The following SORCS3 variants were observed in gnomAD, a reference collection of about 807,000 sequenced individuals.
SORCS3 encodes sortilin related VPS10 domain containing receptor 3.
Under a neutral mutation model 146.3 loss-of-function variants are expected in SORCS3, and 57 were observed. The ratio of observed to expected loss-of-function variants is 0.39; its 90% CI spans 0.31 to 0.49. The LOEUF (loss-of-function observed/expected upper bound fraction) is 0.49, where lower values mean the gene tolerates loss of function less well. Among genes scored for constraint, SORCS3 ranks in the 20% least tolerant of loss-of-function variants. The probability of loss-of-function intolerance (pLI) is 0.92; values close to 1 mark genes in which losing one functional copy is unlikely to be tolerated. For missense variants in SORCS3, 1,341 were observed against 1,575.5 expected (o/e 0.85, Z 2.52); for synonymous variants, 653 against 618.5 (o/e 1.06, Z -0.83).
chr10:105,220,016 G>T lies in SORCS3; in HGVS notation c.2734+2894G>T, dbSNP rs147332694. ...GGAGACTGCTCTTGGCCTTACCCTG[G>T]GCCATTAGCTAACAAAAGTAGTTGT... On this transcript the variant is annotated intron_variant, in intron 19 of 26. Coordinates refer to ENST00000369701, the MANE Select transcript of SORCS3 (RefSeq NM_014978.3). 5.6e-3 allele frequency among the ~76,000 whole-genome samples: 846 copies of T among 152,196 alleles called. 13 individuals are homozygous for T. Among genetic ancestry groups the T allele is most frequent in the African/African-American group, 0.019 (791 of 41,524 alleles).
chr10:104,900,173 C>T (rs2018836280), intron 2 of SORCS3, among the ~76,000 whole-genome samples: 1 of 152,120 alleles, frequency 6.6e-6, no homozygotes, highest in African/African-American at 2.4e-5. Flanking sequence ...GGATGTTTTC[C>T]TTTTTTCTCA....
At chr10:104,746,915 A>G (rs1164894642) in intron 1 of SORCS3, among the ~76,000 whole-genome samples, 1 of 152,204 alleles carries the variant, frequency 6.6e-6, no homozygotes, top group Non-Finnish European at 1.5e-5. Flanking sequence ...AATTTATGTG[A>G]TCTTCATTTA....
chr10:105,243,971 C>T (rs1266633286), intron 20 of SORCS3, among the ~76,000 whole-genome samples: 1 of 152,128 alleles, frequency 6.6e-6, no homozygotes, highest in African/African-American at 2.4e-5. Context: ...GACTGTCCTG[C>T]CCCTCTTAAA....
intron 20 of SORCS3, among the ~76,000 whole-genome samples, chr10:105,242,264 A>T (rs2056828210): frequency 1.4e-5 from 2 of 140,046 alleles, no homozygotes; most frequent in African/African-American, 2.6e-5. Context: ...ACATATATTT[A>T]TATATATATT....
At chr10:105,187,548 T>C (rs142404172) in intron 14 of SORCS3, among the ~76,000 whole-genome samples, 83 of 152,314 alleles carry the variant, frequency 5.4e-4, no homozygotes, top group African/African-American at 1.5e-3. Flanking sequence ...ACAACTATGC[T>C]CTTTCTACTT....
intron 3 of SORCS3, among the ~76,000 whole-genome samples, chr10:104,971,763 G>A (rs975698918): frequency 1.7e-4 from 26 of 152,144 alleles, no homozygotes; most frequent in African/African-American, 5.3e-4. Flanking sequence ...GGAGGGTTAA[G>A]GAGTGGTCAC....
intron 2 of SORCS3, among the ~76,000 whole-genome samples, chr10:104,849,181 C>T (rs778070873): frequency 2.9e-4 from 44 of 152,094 alleles, no homozygotes; most frequent in South Asian, 2.1e-4. Context: ...GAGGCTCAGG[C>T]GGGTGGATTA....
chr10:105,147,359 G>T (rs1353660267), intron 8 of SORCS3, among the ~76,000 whole-genome samples: 2 of 152,090 alleles, frequency 1.3e-5, no homozygotes, highest in African/African-American at 4.8e-5. Flanking sequence ...AATAAAAAAT[G>T]AAAGTAGATG....
Position 105,157,236 on chromosome 10 carries a change from G to A in SORCS3, c.1581G>A (p.Leu527=). Residue 527 remains leucine (L), a synonymous_variant, in exon 10 of 27, where the codon CTG becomes CTA. Transcript: ENST00000369701. ...ACAAAGGCAGGGATTGGCGCCTGCT[G>A]CAAGCTCCGGATGTGGACCTGAGAG... ...TYNKGRDWRL[L]QAPDVDLRGS... The A allele has an allele frequency of 1.9e-6, 3 of 1,614,106 alleles. No individual in the cohort carries two copies. Among genetic ancestry groups the A allele is most frequent in the Non-Finnish European group, 2.5e-6 (3 of 1,179,958 alleles).
intron 3 of SORCS3, among the ~76,000 whole-genome samples, chr10:104,935,550 A>G (rs2019251608): frequency 6.6e-6 from 1 of 152,148 alleles, no homozygotes; most frequent in Non-Finnish European, 1.5e-5. Flanking sequence ...TCATTCATCC[A>G]TCAAATTTTA....
chr10:105,169,223 T>C (rs2056339963), intron 13 of SORCS3, among the ~76,000 whole-genome samples: 1 of 152,140 alleles, frequency 6.6e-6, no homozygotes, highest in Non-Finnish European at 1.5e-5. Context: ...TGGATGCTCT[T>C]CTGTTCTGGC....
At chr10:104,952,601 AT>A (rs2019444151) in intron 3 of SORCS3, among the ~76,000 whole-genome samples, 1 of 152,214 alleles carries the variant, frequency 6.6e-6, no homozygotes, top group African/African-American at 2.4e-5. Flanking sequence ...ACAGGAACAA[AT>A]GAAAGTTCTT....
intron 1 of SORCS3, among the ~76,000 whole-genome samples, chr10:104,809,139 T>C (rs1023684782): frequency 6.6e-6 from 1 of 152,218 alleles, no homozygotes; most frequent in Admixed American, 6.5e-5. Flanking sequence ...TAGATACCTT[T>C]AGGATATACA....
intron 2 of SORCS3, among the ~76,000 whole-genome samples, chr10:104,847,263 C>G (rs1025568371): frequency 1.3e-5 from 2 of 152,250 alleles, no homozygotes; most frequent in Middle Eastern, 3.4e-3. Flanking sequence ...ATCCACTGCT[C>G]GAGGTTATTA....
intron 1 of SORCS3, among the ~76,000 whole-genome samples, chr10:104,821,292 A>T (rs945351735): frequency 2.6e-5 from 4 of 152,198 alleles, no homozygotes; most frequent in Non-Finnish European, 5.9e-5. Context: ...CAGAAAATAT[A>T]ATGGGCCACA....
intron 1 of SORCS3, among the ~76,000 whole-genome samples, chr10:104,777,657 A>C (rs988573055): frequency 6.6e-6 from 1 of 152,204 alleles, no homozygotes; most frequent in Admixed American, 6.5e-5. Flanking sequence ...ACATCCTGCA[A>C]TGCACAGGAC....
chr10:105,029,314 A>G (rs954390452), intron 4 of SORCS3, among the ~76,000 whole-genome samples: 2 of 152,122 alleles, frequency 1.3e-5, no homozygotes, highest in Non-Finnish European at 2.9e-5. Context: ...GTCTCCACCC[A>G]AGTTTCTTTC....
intron 1 of SORCS3, among the ~76,000 whole-genome samples, chr10:104,698,062 T>C (rs1324809848): frequency 4.6e-5 from 7 of 152,208 alleles, no homozygotes; most frequent in African/African-American, 1.7e-4. Context: ...GAAGTTTTCA[T>C]GAGGGCCGTG....
chr10:104,886,880 T>C (rs1418389521), intron 2 of SORCS3, among the ~76,000 whole-genome samples: 1 of 152,190 alleles, frequency 6.6e-6, no homozygotes. Flanking sequence ...ACTTTCTGAT[T>C]AGAACATATG....
Sources: allele counts gnomAD v4.1 joint callset (sites outside exome capture counted in the v4.1 genomes callset), GRCh38; gene constraint gnomAD v4.1.1; transcripts MANE v1.5; gene names NCBI Gene and HGNC (gene_info 2026-07-23, HGNC 2026-07-21).